Variants in GALNTL6 observed in about 807,000 individuals in gnomAD.
GALNTL6 encodes polypeptide N-acetylgalactosaminyltransferase like 6.
A neutral mutation model predicts 73.7 loss-of-function variants in GALNTL6; 46 were observed. The ratio of observed to expected loss-of-function variants is 0.62; its 90% CI spans 0.49 to 0.80. GALNTL6 has a LOEUF of 0.80. Among genes scored for constraint, GALNTL6 ranks in the 30% least tolerant of loss-of-function variants. The pLI, the probability that GALNTL6 is intolerant of heterozygous loss-of-function variation, is 0.00. For missense variants in GALNTL6, 604 were observed against 755.0 expected, an observed-to-expected ratio of 0.80 and a Z score of 2.34; for synonymous variants, 259 against 263.7, an observed-to-expected ratio of 0.98 and a Z score of 0.17.
intron 8 of GALNTL6, among the ~76,000 whole-genome samples, chr4:172,913,885 C>T (rs1170313792): frequency 6.6e-6 from 1 of 152,094 alleles, no homozygotes; most frequent in African/African-American, 2.4e-5. Context: ...TCAGGAAATA[C>T]AGAGAATGCC....
chr4:172,833,776 G>T (rs1486511528), intron 7 of GALNTL6, among the ~76,000 whole-genome samples: 1 of 152,136 alleles, frequency 6.6e-6, no homozygotes, highest in African/African-American at 2.4e-5. Flanking sequence ...TCAGTGGATG[G>T]CAAAAACTTC....
At chr4:172,899,649 A>G (rs1189963388) in intron 8 of GALNTL6, among the ~76,000 whole-genome samples, 1 of 152,156 alleles carries the variant, frequency 6.6e-6, no homozygotes, top group Non-Finnish European at 1.5e-5. Flanking sequence ...ATCTTGCTCA[A>G]GAAAGACTTC....
At chr4:172,791,050 A>T (rs1579486986) in intron 5 of GALNTL6, among the ~76,000 whole-genome samples, 1 of 152,224 alleles carries the variant, frequency 6.6e-6, no homozygotes, top group East Asian at 1.9e-4. Flanking sequence ...CATGGAATTC[A>T]TGCTGGATAG....
At chr4:171,987,571 C>G (rs1229114803) in intron 2 of GALNTL6, among the ~76,000 whole-genome samples, 5 of 152,118 alleles carry the variant, frequency 3.3e-5, no homozygotes, top group Admixed American at 3.3e-4. Context: ...GGGCAAATCC[C>G]CGAGCTTGAT....
chr4:172,169,373 A>G (rs1734738660), intron 2 of GALNTL6, among the ~76,000 whole-genome samples: 1 of 152,208 alleles, frequency 6.6e-6, no homozygotes, highest in African/African-American at 2.4e-5. Flanking sequence ...GGTCTCTTTC[A>G]TTTCTATAAT....
intron 3 of GALNTL6, among the ~76,000 whole-genome samples, chr4:172,251,994 A>G (rs1488399677): frequency 6.6e-6 from 1 of 152,180 alleles, no homozygotes; most frequent in Non-Finnish European, 1.5e-5. Context: ...CTGGAAAAAC[A>G]AATTAGTGTA....
At chr4:172,750,787 T>G (rs1009990810) in intron 5 of GALNTL6, among the ~76,000 whole-genome samples, 10 of 152,192 alleles carry the variant, frequency 6.6e-5, no homozygotes, top group African/African-American at 2.2e-4. Flanking sequence ...ATATTTTTGC[T>G]CTTTCCTTTG....
intron 2 of GALNTL6, among the ~76,000 whole-genome samples, chr4:171,818,308 GA>G (rs912392451): frequency 6.6e-6 from 1 of 150,920 alleles, no homozygotes; most frequent in African/African-American, 2.4e-5. Flanking sequence ...AAGAATATGT[GA>G]AAAAAAATCT....
chr4:172,090,677 G>A (rs996697304), intron 2 of GALNTL6, among the ~76,000 whole-genome samples: 1 of 152,020 alleles, frequency 6.6e-6, no homozygotes, highest in African/African-American at 2.4e-5. Flanking sequence ...TTCTTTTGCT[G>A]TGCAGAAGCT....
chr4:172,028,909 A>T (rs1741678418), intron 2 of GALNTL6, among the ~76,000 whole-genome samples: 1 of 152,072 alleles, frequency 6.6e-6, no homozygotes, highest in Admixed American at 6.6e-5. Flanking sequence ...ACATGAATCA[A>T]TATGTAGATT....
intron 2 of GALNTL6, among the ~76,000 whole-genome samples, chr4:171,964,306 G>A (rs947497424): frequency 4.0e-5 from 6 of 151,838 alleles, no homozygotes; most frequent in African/African-American, 1.5e-4. Flanking sequence ...TCTTGAAATT[G>A]TCATCTTTTT....
At chr4:172,499,429 C>T (rs1734183237) in intron 5 of GALNTL6, among the ~76,000 whole-genome samples, 2 of 152,174 alleles carry the variant, frequency 1.3e-5, no homozygotes, top group Non-Finnish European at 2.9e-5. Context: ...TTCCCAGCCT[C>T]CAGAGCTGTC....
At chr4:172,166,712 A>G (rs1262791161) in intron 2 of GALNTL6, among the ~76,000 whole-genome samples, 1 of 152,170 alleles carries the variant, frequency 6.6e-6, no homozygotes, top group African/African-American at 2.4e-5. Context: ...GCTTTTACAA[A>G]CCAATTGCTT....
chr4:172,593,107 G>A (rs1469476197), intron 5 of GALNTL6, among the ~76,000 whole-genome samples: 1 of 152,148 alleles, frequency 6.6e-6, no homozygotes, highest in Non-Finnish European at 1.5e-5. Flanking sequence ...CTAAAAAACA[G>A]AGTAATATAA....
In GALNTL6 at chr4:172,576,761, G is replaced by C. The variant is rs376842679; in HGVS notation, c.553+228072G>C. Among the ~76,000 whole-genome samples the C allele has an allele frequency of 3.3e-5, 5 of 152,248 alleles. No individual in the cohort carries two copies. The East Asian group carries it at 9.7e-4, about 29-fold the overall frequency. ...CTATAACTACTATCACTAAGAAAAA[G>C]CCTAATAAGGAAACTATTGTCTCAA... On this transcript the variant is annotated intron_variant, in intron 5 of 12. Transcript: ENST00000506823.
chr4:172,937,403 C>A (rs963353158), intron 9 of GALNTL6, among the ~76,000 whole-genome samples: 4 of 151,848 alleles, frequency 2.6e-5, no homozygotes, highest in Non-Finnish European at 4.4e-5. Context: ...AGTATCAGTA[C>A]AAAAACAGGG....
chr4:172,515,519 A>G (rs1734573740), intron 5 of GALNTL6, among the ~76,000 whole-genome samples: 1 of 152,240 alleles, frequency 6.6e-6, no homozygotes, highest in South Asian at 2.1e-4. Context: ...GTTGCCTAGA[A>G]ACAGACTCAG....
intron 9 of GALNTL6, among the ~76,000 whole-genome samples, chr4:172,941,731 C>T (rs1207302977): frequency 6.6e-6 from 1 of 152,188 alleles, no homozygotes; most frequent in Non-Finnish European, 1.5e-5. Context: ...TAAGCAAACT[C>T]AAATATTTTA....
chr4:172,002,391 C>A (rs1250745918), intron 2 of GALNTL6, among the ~76,000 whole-genome samples: 2 of 152,070 alleles, frequency 1.3e-5, no homozygotes, highest in African/African-American at 4.8e-5. Context: ...GTCTATATGC[C>A]AGGAAGTGGA....
Sources: gnomAD v4.1 joint callset for allele counts (sites outside exome capture counted in the v4.1 genomes callset) on GRCh38, gnomAD v4.1.1 for gene constraint, MANE v1.5 for transcripts, NCBI Gene and HGNC (gene_info 2026-07-23, HGNC 2026-07-21) for gene names.